TMEM163: variants seen among roughly 807,000 people sequenced by gnomAD.
TMEM163 encodes transmembrane protein 163.
TMEM163 carries 17 observed loss-of-function variants against 29.3 expected under a neutral mutation model. That is an observed-to-expected ratio of 0.58 (90% confidence interval 0.40 to 0.87). The LOEUF (loss-of-function observed/expected upper bound fraction) is 0.87. Among genes scored for constraint, TMEM163 ranks in the 40% least tolerant of loss-of-function variants. The pLI is 0.00. For missense variants in TMEM163, 303 were observed against 381.5 expected (o/e 0.79, Z 1.71); for synonymous variants, 157 against 160.6 (o/e 0.98, Z 0.17).
intron 6 of TMEM163, among the ~76,000 whole-genome samples, chr2:134,463,181 C>T (rs929796113): frequency 1.4e-4 from 22 of 152,330 alleles, no homozygotes; most frequent in Admixed American, 7.2e-4. Flanking sequence ...GCCAGGCCTC[C>T]ACTCTGCATC....
intron 2 of TMEM163, among the ~76,000 whole-genome samples, chr2:134,643,373 C>A (rs1683262233): frequency 1.3e-5 from 2 of 151,860 alleles, no homozygotes; most frequent in African/African-American, 4.8e-5. Context: ...ATCTCCAGGC[C>A]CAGGTAGTTT....
At chr2:134,461,157 C>T (rs1423663068) in intron 6 of TMEM163, among the ~76,000 whole-genome samples, 6 of 152,194 alleles carry the variant, frequency 3.9e-5, no homozygotes, top group Admixed American at 3.3e-4. Context: ...ACCACAGATC[C>T]GCTCTAACAC....
At chr2:134,610,304 C>A (rs1682474260) in intron 2 of TMEM163, among the ~76,000 whole-genome samples, 1 of 152,210 alleles carries the variant, frequency 6.6e-6, no homozygotes. Context: ...AGCCTGTGCC[C>A]TGGAAAGCTG....
intron 2 of TMEM163, among the ~76,000 whole-genome samples, chr2:134,712,915 G>A (rs149474428): frequency 1.3e-5 from 2 of 152,188 alleles, no homozygotes; most frequent in African/African-American, 2.4e-5. Flanking sequence ...CATCCACCAA[G>A]AGTATTTTCA....
Position 134,718,768 on chromosome 2 carries a change from C to T in TMEM163, c.168G>A (p.Glu56=). 1.7e-6 allele frequency: 2 copies of T among 1,154,150 alleles called. No homozygotes were observed. The highest frequency in any genetic ancestry group is 2.1e-6 in the Non-Finnish European group (2 of 938,278). The allele number at this position is 1,154,150 out of a possible 1,614,324, so 71.5% of individuals were successfully genotyped here. Residue 56 remains glutamate (E), a synonymous_variant, in exon 1 of 8, where the codon GAG becomes GAA. Transcript: ENST00000281924. ...CCAGCCCGTCGCTGAACTGGCCGCT[C>T]TCGCTGATCCGCACCTGCCGCTCCT... The part of the protein sequence containing the change: ...LEEERQVRIS[E]SGQFSDGLED...
At chr2:134,713,461 A>C (rs1354091608) in intron 1 of TMEM163, 142 bp from the exon 2 acceptor site, 1 of 1,203,324 alleles carries the variant, frequency 8.3e-7, no homozygotes, top group South Asian at 1.3e-5. Flanking sequence ...CTGTGTTTTA[A>C]CAATTAGATT....
chr2:134,491,750 T>G (rs1201302046), intron 5 of TMEM163, among the ~76,000 whole-genome samples: 1 of 152,192 alleles, frequency 6.6e-6, no homozygotes. Flanking sequence ...AAAAGCTCTT[T>G]TTTTGCTTTT....
At chr2:134,583,355 A>G (rs1681738744) in intron 2 of TMEM163, among the ~76,000 whole-genome samples, 1 of 152,254 alleles carries the variant, frequency 6.6e-6, no homozygotes, top group Non-Finnish European at 1.5e-5. Flanking sequence ...GTAAGTTTCT[A>G]ATAAATAGTT....
chr2:134,624,730 G>T (rs548741622), intron 2 of TMEM163, among the ~76,000 whole-genome samples: 1 of 152,158 alleles, frequency 6.6e-6, no homozygotes, highest in African/African-American at 2.4e-5. Context: ...GGAACATGGC[G>T]AAACCCCGTC....
chr2:134,579,099 T>G (rs1681631998), intron 2 of TMEM163, among the ~76,000 whole-genome samples: 1 of 152,184 alleles, frequency 6.6e-6, no homozygotes, highest in Non-Finnish European at 1.5e-5. Flanking sequence ...GTTGGACCTA[T>G]CATGTCCCAC....
At position 134,606,495 on chromosome 2, in the gene TMEM163, C is replaced by A. The variant is rs866904084; in HGVS notation, c.323-54404G>T. On this transcript the variant is annotated intron_variant, in intron 2 of 7. Coordinates refer to ENST00000281924, the MANE Select transcript of TMEM163 (RefSeq NM_030923.5). ...CCCCTCCTCTTCGAGTCTCTCCTGG[C>A]CCACCCTGCAGAATCACTCTGCCCA... Among the ~76,000 whole-genome samples the A allele has an allele frequency of 4.6e-5, 7 of 152,334 alleles. 1 individual carries two copies. The highest frequency in any genetic ancestry group is 3.4e-3 in the Middle Eastern group (1 of 294).
chr2:134,621,734 C>CA (rs70973459), intron 2 of TMEM163, among the ~76,000 whole-genome samples: 8 of 151,428 alleles, frequency 5.3e-5, no homozygotes, highest in African/African-American at 1.5e-4. Flanking sequence ...ACTAAAAATA[C>CA]AAAAAAATTA....
At position 134,460,781 on chromosome 2, in the gene TMEM163, T is replaced by C. The variant is rs1686517854; in HGVS notation, c.668-2608A>G. Among the ~76,000 whole-genome samples the C allele has an allele frequency of 6.6e-6, 1 of 152,182 alleles. No homozygotes were observed. The highest frequency in any genetic ancestry group is 6.5e-5 in the Admixed American group (1 of 15,278). On this transcript the variant is annotated intron_variant, in intron 6 of 7. Coordinates refer to ENST00000281924, the MANE Select transcript of TMEM163 (RefSeq NM_030923.5). This position sits in a 1 kb window ranked among gnomAD's most constrained non-coding sequence, Gnocchi z 4.3. ...CAAGGCCGGCCCAGCTTGCTATTCC[T>C]GACAGCAGGTCCACCAGGTGTTCCC...
intron 2 of TMEM163, among the ~76,000 whole-genome samples, chr2:134,624,566 A>G (rs1682808293): frequency 6.6e-6 from 1 of 152,302 alleles, no homozygotes; most frequent in South Asian, 2.1e-4. Flanking sequence ...TAGTTTACCT[A>G]TGGAACAAAC....
At chr2:134,523,218 T>A (rs1350298492) in intron 4 of TMEM163, among the ~76,000 whole-genome samples, 1 of 152,214 alleles carries the variant, frequency 6.6e-6, no homozygotes, top group East Asian at 1.9e-4. Flanking sequence ...CTTCACTGAT[T>A]TAATAGCCTG....
chr2:134,507,723 G>A (rs987696960), intron 4 of TMEM163, among the ~76,000 whole-genome samples: 2 of 152,144 alleles, frequency 1.3e-5, no homozygotes, highest in Non-Finnish European at 2.9e-5. Context: ...TGGGCATGGT[G>A]GTGTGTGCCT....
At chr2:134,606,428 A>T (rs1475614116) in intron 2 of TMEM163, among the ~76,000 whole-genome samples, 1 of 151,880 alleles carries the variant, frequency 6.6e-6, no homozygotes, top group Non-Finnish European at 1.5e-5. Flanking sequence ...TCATCTCGCC[A>T]CAATCAAAGT....
At chr2:134,705,045 A>C (rs1684778187) in intron 2 of TMEM163, among the ~76,000 whole-genome samples, 1 of 152,012 alleles carries the variant, frequency 6.6e-6, no homozygotes, top group Non-Finnish European at 1.5e-5. Flanking sequence ...CCCCGGCTCT[A>C]CTAAAAATAC....
chr2:134,678,684 C>G (rs892142954), intron 2 of TMEM163, among the ~76,000 whole-genome samples: 24 of 152,172 alleles, frequency 1.6e-4, no homozygotes, highest in Admixed American at 9.8e-4. Context: ...TTCCCATTCC[C>G]CAGGTCGACT....
Sources: allele counts gnomAD v4.1 joint callset (sites outside exome capture counted in the v4.1 genomes callset), GRCh38; gene constraint gnomAD v4.1.1; non-coding constraint Gnocchi (gnomAD v3.1); transcripts MANE v1.5; gene names NCBI Gene and HGNC (gene_info 2026-07-23, HGNC 2026-07-21).